The following ATP10A variants were observed in gnomAD, a reference collection of about 807,000 sequenced individuals.
ATP10A encodes the protein phospholipid-transporting ATPase VA.
In ATP10A, 111 loss-of-function variants were observed where a neutral mutation model predicts 147.8. The observed-to-expected ratio is 0.75, with a 90% CI of 0.64 to 0.88. ATP10A has a LOEUF of 0.88. ATP10A is among the 40% of genes least tolerant of loss of function. The probability of loss-of-function intolerance (pLI) is 0.00; values close to 1 mark genes in which losing one functional copy is unlikely to be tolerated. For missense variants in ATP10A, 1,927 were observed against 1,959.0 expected (o/e 0.98, Z 0.31); for synonymous variants, 875 against 841.6 (o/e 1.04, Z -0.69).
intron 2 of ATP10A, among the ~76,000 whole-genome samples, chr15:25,763,872 A>C (rs1364562657): frequency 6.6e-6 from 1 of 152,146 alleles, no homozygotes; most frequent in East Asian, 1.9e-4. Context: ...TCAAAAGTAC[A>C]TTTTTTTGTA....
intron 1 of ATP10A, among the ~76,000 whole-genome samples, chr15:25,860,741 C>T (rs11634295): frequency 0.47 from 71,849 of 152,038 alleles, 20,007 homozygotes; most frequent in African/African-American, 0.78. Context: ...TACAAGGTCA[C>T]AGAGACAAGA....
intron 13 of ATP10A, among the ~76,000 whole-genome samples, chr15:25,697,282 G>A (rs1900391666): frequency 1.3e-5 from 2 of 152,136 alleles, no homozygotes; most frequent in African/African-American, 2.4e-5. Flanking sequence ...AGAGCTCACA[G>A]CCCAAACCCC....
At position 25,680,111 on chromosome 15, in the gene ATP10A, C is replaced by G. The variant is rs373211392; in HGVS notation, c.3866+10G>C. 2 of 1,612,384 alleles carry G rather than the reference C, an allele frequency of 1.2e-6. No individual in the cohort carries two copies. The highest frequency in any genetic ancestry group is 2.2e-5 in the South Asian group (2 of 90,902). On this transcript the variant is annotated intron_variant, in intron 20 of 20. Coordinates refer to ENST00000555815, the MANE Select transcript of ATP10A (RefSeq NM_024490.4). ...GGGGCTCAGAGGCACTATCCCGCTC[C>G]GACACCCACCTGGGCAGCAGTGCAG... is the stretch of plus-strand genomic sequence containing the variant.
chr15:25,790,933 G>A (rs147321779), intron 1 of ATP10A, among the ~76,000 whole-genome samples: 2 of 152,150 alleles, frequency 1.3e-5, no homozygotes, highest in South Asian at 2.1e-4. Flanking sequence ...GGAGTTGTGC[G>A]CTCCTTATTC....
At chr15:25,722,423 G>A (rs1250558007) in intron 6 of ATP10A, among the ~76,000 whole-genome samples, 1 of 152,174 alleles carries the variant, frequency 6.6e-6, no homozygotes, top group Non-Finnish European at 1.5e-5. Context: ...TGCTCTTCTT[G>A]TACAATGCAG....
intron 2 of ATP10A, among the ~76,000 whole-genome samples, chr15:25,766,849 G>A (rs550243221): frequency 4.8e-4 from 70 of 144,658 alleles, no homozygotes; most frequent in African/African-American, 1.7e-3. Flanking sequence ...AAAAACTCCC[G>A]AAAAATACTC....
chr15:25,846,399 T>C (rs541101954), intron 1 of ATP10A, among the ~76,000 whole-genome samples: 19 of 152,348 alleles, frequency 1.2e-4, no homozygotes, highest in African/African-American at 4.1e-4. Flanking sequence ...TGTGTGCCAG[T>C]GGAGCACAGC....
intron 14 of ATP10A, among the ~76,000 whole-genome samples, chr15:25,694,067 C>A (rs1900177417): frequency 6.6e-6 from 1 of 151,918 alleles, no homozygotes; most frequent in African/African-American, 2.4e-5. Context: ...TCCTTCCTGG[C>A]CCTCACCAGG....
Position 25,777,427 on chromosome 15 carries a change from A to G in ATP10A, c.654+3592T>C, listed in dbSNP as rs539384064. 3.3e-5 allele frequency among the ~76,000 whole-genome samples: 5 copies of G among 152,176 alleles called. No homozygotes were observed. In the East Asian group the frequency reaches 5.8e-4, roughly 18 times the overall value. ...CTGGCAATAGCCTCCCCGGTCCCCA[A>G]GGGAAGGCTTCTAGCAAGTTCCACC... On this transcript the variant is annotated intron_variant, in intron 2 of 20. Transcript: ENST00000555815.
chr15:25,782,421 CATTTT>C (rs1889969146), intron 1 of ATP10A, among the ~76,000 whole-genome samples: 1 of 152,098 alleles, frequency 6.6e-6, no homozygotes. Context: ...ATTTTATGTG[CATTTT>C]ATAATTTAAA....
chr15:25,712,999 A>G (rs770074390), intron 10 of ATP10A, among the ~76,000 whole-genome samples: 2 of 152,204 alleles, frequency 1.3e-5, no homozygotes, highest in African/African-American at 4.8e-5. Context: ...CAACCGGCTT[A>G]TAGCATTTCC....
intron 1 of ATP10A, among the ~76,000 whole-genome samples, chr15:25,795,977 A>G (rs1890654343): frequency 1.3e-5 from 2 of 152,036 alleles, no homozygotes; most frequent in Non-Finnish European, 2.9e-5. Context: ...CCCTTCCCCT[A>G]TGAGAGGAAG....
Position 25,781,118 on chromosome 15 carries a change from G to A in ATP10A, c.555C>T (p.Ser185=), listed in dbSNP as rs575104248. ...EIFPADILLL[S]SSDPDGLCHI... is the part of the protein sequence containing the mutation. Reference sequence around the variant, plus strand: ...GGCATAGCCCGTCGGGGTCACTGGAGGAGAGCAGCAGAATGTCCGCAGGGA... The same window carrying A: ...GGCATAGCCCGTCGGGGTCACTGGAAGAGAGCAGCAGAATGTCCGCAGGGA... Residue 185 remains serine (S), a synonymous_variant, in exon 2 of 21, where the codon TCC becomes TCT. Coordinates refer to ENST00000555815, the MANE Select transcript of ATP10A (RefSeq NM_024490.4). 7 of 1,614,206 alleles carry A rather than the reference G, an allele frequency of 4.3e-6. No individual in the cohort carries two copies. The highest frequency in any genetic ancestry group is 1.3e-5 in the African/African-American group (1 of 75,052).
rs146039967 is a variant in ATP10A at position 25,725,273 on chromosome 15, G to A, written c.979+678C>T. On this transcript the variant is annotated intron_variant, in intron 5 of 20. Coordinates refer to ENST00000555815, the MANE Select transcript of ATP10A (RefSeq NM_024490.4). ...CATATCCTCTGCTACCCCTACATCC[G>A]TGGAAAAAATGTCTTCATAAAACCA... Among the ~76,000 whole-genome samples the A allele has an allele frequency of 4.7e-3, 720 of 152,280 alleles. 7 individuals are homozygous for A. In the Middle Eastern group the frequency reaches 0.062, roughly 13 times the overall value.
rs139779422 is a variant in ATP10A, at chr15:25,800,945, C to T, written c.450-19722G>A. The stretch of plus-strand genomic sequence containing the variant: ...CCTGGTGTTTGATGAACCCGCTGTA[C>T]TAGATGCTGACGCTGCTCCTGGCTC... On this transcript the variant is annotated intron_variant, in intron 1 of 20. Transcript: ENST00000555815. 8.0e-3 allele frequency among the ~76,000 whole-genome samples: 1,216 copies of T among 152,292 alleles called. 20 individuals are homozygous for T. The highest frequency in any genetic ancestry group is 0.026 in the African/African-American group (1,100 of 41,560).
chr15:25,847,849 A>T (rs918699774), intron 1 of ATP10A, among the ~76,000 whole-genome samples: 4 of 151,926 alleles, frequency 2.6e-5, no homozygotes, highest in Non-Finnish European at 5.9e-5. Flanking sequence ...CCAGGCTGGT[A>T]TCCAACTCCT....
chr15:25,709,045 G>C (rs1405883542), intron 10 of ATP10A: 1 of 152,248 alleles, frequency 6.6e-6, no homozygotes, highest in Non-Finnish European at 1.5e-5. Context: ...GCCTGACCGT[G>C]CTGCATTCTC....
At chr15:25,817,688 T>C (rs1891722590) in intron 1 of ATP10A, among the ~76,000 whole-genome samples, 2 of 152,180 alleles carry the variant, frequency 1.3e-5, no homozygotes, top group Admixed American at 6.5e-5. Context: ...ATCATCACCA[T>C]GGTTCAAAAG....
chr15:25,761,698 C>T (rs1888766753), intron 2 of ATP10A, among the ~76,000 whole-genome samples: 1 of 152,212 alleles, frequency 6.6e-6, no homozygotes, highest in Non-Finnish European at 1.5e-5. Context: ...CCTGTAGCCC[C>T]TTTGTTTTAG....
Sources: allele counts gnomAD v4.1 joint callset (sites outside exome capture counted in the v4.1 genomes callset), GRCh38; gene constraint gnomAD v4.1.1; transcripts MANE v1.5; gene names NCBI Gene and HGNC (gene_info 2026-07-23, HGNC 2026-07-21).